Variants in CADPS2 observed in about 807,000 individuals in gnomAD.
The protein encoded by CADPS2 is calcium dependent secretion activator 2.
In CADPS2, 93 loss-of-function variants were observed where a neutral mutation model predicts 172.5. That is an observed-to-expected ratio of 0.54 (90% CI 0.46 to 0.64). The LOEUF (loss-of-function observed/expected upper bound fraction) is 0.64. Ranked by LOEUF, CADPS2 falls within the 30% of genes least tolerant of loss-of-function variation. CADPS2 has a pLI of 0.00. For synonymous variants in CADPS2, 546 were observed against 555.2 expected (o/e 0.98, Z 0.23); for missense variants, 1,420 against 1,565.9 (o/e 0.91, Z 1.57).
At chr7:122,464,981 A>G (rs1456459291) in intron 14 of CADPS2, among the ~76,000 whole-genome samples, 1 of 152,126 alleles carries the variant, frequency 6.6e-6, no homozygotes, top group Non-Finnish European at 1.5e-5. Flanking sequence ...AACTCTATGC[A>G]CTCTTTTAGT....
intron 20 of CADPS2, among the ~76,000 whole-genome samples, chr7:122,402,701 T>C (rs923443322): frequency 3.9e-5 from 6 of 152,194 alleles, no homozygotes; most frequent in African/African-American, 1.4e-4. Context: ...AACATAAATA[T>C]GCAACATTAT....
At chr7:122,681,612 A>G in intron 2 of CADPS2, 3 of 1,502,450 alleles carry the variant, frequency 2.0e-6, no homozygotes, top group Non-Finnish European at 2.7e-6. Context: ...ACCCCCACCC[A>G]GATTTAGACC....
intron 2 of CADPS2, among the ~76,000 whole-genome samples, chr7:122,718,588 T>A (rs957063083): frequency 3.9e-5 from 6 of 152,126 alleles, no homozygotes; most frequent in African/African-American, 1.4e-4. Flanking sequence ...TTTTCTCCGT[T>A]GTTAACAGTC....
In CADPS2 at chr7:122,671,723, G is replaced by GAGATGTAAT. The variant is rs567811608; in HGVS notation, c.454-8163_454-8155dup. 1.7e-3 allele frequency among the ~76,000 whole-genome samples: 262 copies of GAGATGTAAT among 152,348 alleles called. 1 individual carries two copies. The highest frequency in any genetic ancestry group is 2.7e-3 in the Non-Finnish European group (186 of 68,036). The stretch of plus-strand genomic sequence containing the variant: ...GGATAAGCAAAGAAGGATAGGTACG[G>GAGATGTAAT]AGATGTAATTTGATACAGGAGGCAA... On this transcript the variant is annotated intron_variant, in intron 2 of 29. Coordinates refer to ENST00000449022, the MANE Select transcript of CADPS2 (RefSeq NM_017954.11).
At chr7:122,661,966 C>A (rs2080595768) in intron 3 of CADPS2, among the ~76,000 whole-genome samples, 1 of 152,128 alleles carries the variant, frequency 6.6e-6, no homozygotes, top group Admixed American at 6.6e-5. Flanking sequence ...CAAATAACTA[C>A]CTGGTTTAAT....
chr7:122,412,593 T>C (rs2047439623), intron 19 of CADPS2, among the ~76,000 whole-genome samples: 1 of 152,228 alleles, frequency 6.6e-6, no homozygotes, highest in Non-Finnish European at 1.5e-5. Flanking sequence ...GCTGTCTGCA[T>C]TGCAAATACC....
intron 1 of CADPS2, among the ~76,000 whole-genome samples, chr7:122,854,346 G>C (rs986882429): frequency 6.6e-6 from 1 of 152,126 alleles, no homozygotes; most frequent in Non-Finnish European, 1.5e-5. Context: ...GCTCCAGCCT[G>C]GGTGACACAG....
intron 1 of CADPS2, among the ~76,000 whole-genome samples, chr7:122,738,918 T>G (rs1240726037): frequency 6.6e-6 from 1 of 151,488 alleles, no homozygotes; most frequent in Non-Finnish European, 1.5e-5. Context: ...ATCTCTTTAC[T>G]AAGATTATCT....
chr7:122,659,164 A>G (rs2080199934), intron 3 of CADPS2, among the ~76,000 whole-genome samples: 1 of 152,058 alleles, frequency 6.6e-6, no homozygotes, highest in Non-Finnish European at 1.5e-5. Context: ...TACGAGACAG[A>G]TGTTAGAATT....
chr7:122,812,250 A>G (rs190974554), intron 1 of CADPS2, among the ~76,000 whole-genome samples: 3 of 152,242 alleles, frequency 2.0e-5, no homozygotes, highest in African/African-American at 7.2e-5. Context: ...TGAAGTAAAA[A>G]AAAATAAGTA....
chr7:122,789,496 A>G (rs1794800453), intron 1 of CADPS2, among the ~76,000 whole-genome samples: 1 of 152,226 alleles, frequency 6.6e-6, no homozygotes, highest in Non-Finnish European at 1.5e-5. Context: ...TAAAAAGCTC[A>G]GCTATTCACT....
At chr7:122,657,651 A>G (rs541105942) in intron 3 of CADPS2, among the ~76,000 whole-genome samples, 1 of 152,264 alleles carries the variant, frequency 6.6e-6, no homozygotes, top group South Asian at 2.1e-4. Flanking sequence ...ATTTTTGCAC[A>G]TTGATTTTGT....
At chr7:122,373,922 C>T (rs2042054385) in intron 25 of CADPS2, among the ~76,000 whole-genome samples, 1 of 152,026 alleles carries the variant, frequency 6.6e-6, no homozygotes, top group African/African-American at 2.4e-5. Flanking sequence ...GCCAGCATCA[C>T]CCTGATACCA....
intron 29 of CADPS2, among the ~76,000 whole-genome samples, chr7:122,324,084 G>A (rs1479228872): frequency 2.0e-5 from 3 of 151,752 alleles, no homozygotes; most frequent in African/African-American, 4.8e-5. Flanking sequence ...CACCATATAA[G>A]AAGTGTTCTG....
intron 1 of CADPS2, among the ~76,000 whole-genome samples, chr7:122,838,533 T>C (rs539400529): frequency 6.6e-6 from 1 of 152,092 alleles, no homozygotes; most frequent in African/African-American, 2.4e-5. Context: ...AAAACCCCAT[T>C]GTCTCAGCCC....
At chr7:122,740,259 CACACAAATACCTGT>C (rs1359642488) in intron 1 of CADPS2, among the ~76,000 whole-genome samples, 1 of 152,096 alleles carries the variant, frequency 6.6e-6, no homozygotes, top group Non-Finnish European at 1.5e-5. Context: ...AATTTATGTC[CACACAAATACCTGT>C]ACACAAATGT....
chr7:122,790,397 TAAAAAAAA>T (rs71531917), intron 1 of CADPS2, among the ~76,000 whole-genome samples: 1 of 117,088 alleles, frequency 8.5e-6, no homozygotes, highest in Non-Finnish European at 1.8e-5. Flanking sequence ...ACAGCGTTTC[TAAAAAAAA>T]AAAAAAAAAA....
intron 6 of CADPS2, among the ~76,000 whole-genome samples, chr7:122,609,536 C>T (rs1362716492): frequency 6.6e-6 from 1 of 152,166 alleles, no homozygotes; most frequent in Non-Finnish European, 1.5e-5. Flanking sequence ...ACTCTCTTCC[C>T]TATTTTACAA....
intron 1 of CADPS2, among the ~76,000 whole-genome samples, chr7:122,864,944 T>C (rs1817901014): frequency 1.3e-5 from 2 of 152,028 alleles, no homozygotes; most frequent in Admixed American, 1.3e-4. Context: ...TTTGTACTCA[T>C]CACTTCTGTT....
Sources: gnomAD v4.1 joint callset for allele counts (sites outside exome capture counted in the v4.1 genomes callset) on GRCh38, gnomAD v4.1.1 for gene constraint, MANE v1.5 for transcripts, NCBI Gene and HGNC (gene_info 2026-07-23, HGNC 2026-07-21) for gene names.